Variants in ANKFY1 observed in about 807,000 individuals in gnomAD.
The protein encoded by ANKFY1 is ankyrin repeat and FYVE domain containing 1.
A neutral mutation model predicts 128.3 loss-of-function variants in ANKFY1; 47 were observed. The ratio of observed to expected loss-of-function variants is 0.37; its 90% CI spans 0.29 to 0.47. The LOEUF is 0.47. ANKFY1 is among the 20% of genes least tolerant of loss of function. The pLI is 1.00. For missense variants in ANKFY1, 1,222 were observed against 1,510.6 expected, an observed-to-expected ratio of 0.81 and a Z score of 3.17; for synonymous variants, 553 against 601.6, an observed-to-expected ratio of 0.92 and a Z score of 1.18.
intron 19 of ANKFY1, among the ~76,000 whole-genome samples, chr17:4,175,839 C>T (rs1384692703): frequency 2.0e-5 from 3 of 152,142 alleles, no homozygotes; most frequent in African/African-American, 2.4e-5. Context: ...CAGGGTCAAA[C>T]AGGATGCAGC....
chr17:4,170,005 T>A (rs2059286029), intron 23 of ANKFY1, among the ~76,000 whole-genome samples: 1 of 152,116 alleles, frequency 6.6e-6, no homozygotes, highest in Non-Finnish European at 1.5e-5. Flanking sequence ...GCCGGCCCTG[T>A]GATGGGCACC....
intron 11 of ANKFY1, among the ~76,000 whole-genome samples, chr17:4,185,247 C>A (rs1378784719): frequency 6.6e-6 from 1 of 152,134 alleles, no homozygotes; most frequent in Non-Finnish European, 1.5e-5. Flanking sequence ...GCTCTGTCAC[C>A]CAGGCTGGAG....
At position 4,182,487 on chromosome 17, in the gene ANKFY1, A is replaced by G. The variant is rs2059533597; in HGVS notation, c.1953-138T>C. 3 of 653,686 alleles carry G rather than the reference A, an allele frequency of 4.6e-6. 1 individual carries two copies. Among genetic ancestry groups the G allele is most frequent in the South Asian group, 1.0e-4 (2 of 19,786 alleles). 40.5% of individuals were successfully genotyped at this position (653,686 alleles called of 1,614,324 possible). On this transcript the variant is annotated intron_variant, in intron 14 of 24. Transcript: ENST00000341657. ...ACAATCATTCAATATTTTCTCAGGGAAATTAAATGTGAAAATAGTGTCTGT... is the reference window on the plus strand; with the variant it reads ...ACAATCATTCAATATTTTCTCAGGGGAATTAAATGTGAAAATAGTGTCTGT...
At chr17:4,210,072 G>T in intron 4 of ANKFY1, 125 bp from the exon 5 acceptor site, 1 of 770,124 alleles carries the variant, frequency 1.3e-6, no homozygotes, top group Non-Finnish European at 1.9e-6. Flanking sequence ...ATAAGGTTAA[G>T]CAAAGGGTTA....
intron 3 of ANKFY1, among the ~76,000 whole-genome samples, chr17:4,226,603 C>T (rs1316990314): frequency 2.6e-5 from 4 of 151,538 alleles, no homozygotes; most frequent in Non-Finnish European, 2.9e-5. Flanking sequence ...TATAGCTGGG[C>T]GTGGTGGCGC....
chr17:4,173,365 G>C lies in ANKFY1; in HGVS notation c.3003C>G (p.Ala1001=). 6.2e-7 allele frequency: 1 copy of C among 1,614,160 alleles called. No homozygotes were observed. Among genetic ancestry groups the C allele is most frequent in the Non-Finnish European group, 8.5e-7 (1 of 1,180,002 alleles). ...CCCAACGCGCTCACCTGAGATTAAAGGCTTCGGCGTCCACTGTGCACTCTG... is the reference window on the plus strand; with the variant it reads ...CCCAACGCGCTCACCTGAGATTAAACGCTTCGGCGTCCACTGTGCACTCTG... ...LLTECTVDAE[A]FNLRGQSPLH... Residue 1001 remains alanine, a synonymous_variant, in exon 21 of 25, where the codon GCC becomes GCG. Transcript: ENST00000341657.
chr17:4,183,065 C>T (rs1240490031), intron 14 of ANKFY1, among the ~76,000 whole-genome samples: 1 of 152,174 alleles, frequency 6.6e-6, no homozygotes, highest in Non-Finnish European at 1.5e-5. Context: ...GAGATTGTGC[C>T]ACTGCACTCC....
intron 1 of ANKFY1, among the ~76,000 whole-genome samples, chr17:4,260,869 A>G (rs1199765227): frequency 6.6e-6 from 1 of 152,162 alleles, no homozygotes; most frequent in Non-Finnish European, 1.5e-5. Context: ...ACATTCTCAC[A>G]TGGCCAACCA....
chr17:4,173,780 A>C, intron 20 of ANKFY1, 129 bp downstream of exon 20: 2 of 1,282,038 alleles, frequency 1.6e-6, no homozygotes, highest in Admixed American at 2.3e-5. Flanking sequence ...TACCCAGAGC[A>C]CTTCCTGTCA....
chr17:4,217,150 G>C, intron 3 of ANKFY1, 32 bp from the exon 4 acceptor site: 1 of 1,602,878 alleles, frequency 6.2e-7, no homozygotes, highest in Middle Eastern at 2.2e-4. Context: ...AACTGAAAAA[G>C]CATAGAATGA....
chr17:4,248,504 G>A (rs1967676040), intron 1 of ANKFY1, among the ~76,000 whole-genome samples: 1 of 152,210 alleles, frequency 6.6e-6, no homozygotes, highest in Non-Finnish European at 1.5e-5. Context: ...AGAGAAGTAC[G>A]TGTAAAGTCA....
intron 1 of ANKFY1, among the ~76,000 whole-genome samples, chr17:4,251,923 A>G: frequency 6.6e-6 from 1 of 152,062 alleles, no homozygotes; most frequent in Non-Finnish European, 1.5e-5. Flanking sequence ...AGTCCCAGCT[A>G]CTAGGGAGGA....
intron 7 of ANKFY1, 52 bp from the exon 8 acceptor site, chr17:4,197,629 G>T (rs748265519): frequency 1.3e-6 from 2 of 1,549,250 alleles, no homozygotes; most frequent in South Asian, 2.3e-5. Context: ...ATTCTGGCCA[G>T]TGCTTCTTCA....
rs1250735100 is a variant in ANKFY1, at chr17:4,166,459, TTAAA to T, written c.*1316_*1319del. 6.5e-6 allele frequency: 1 copy of T among 152,678 alleles called. No homozygotes were observed. The highest frequency in any genetic ancestry group is 2.4e-5 in the African/African-American group (1 of 41,458). 9.5% of individuals were successfully genotyped at this position (152,678 alleles called of 1,614,324 possible). ...TTAAAGCCGTGGTAGATGCTTCTCT[TTAAA>T]TGTGCATTTTTTAGAAACTGGCCAA... On this transcript the variant is annotated 3_prime_UTR_variant, in exon 25 of 25. Coordinates refer to ENST00000341657, the MANE Select transcript of ANKFY1 (RefSeq NM_001330063.2).
intron 1 of ANKFY1, among the ~76,000 whole-genome samples, chr17:4,262,251 C>A (rs564504974): frequency 6.6e-6 from 1 of 152,302 alleles, no homozygotes; most frequent in South Asian, 2.1e-4. Context: ...ATCCTCCCAC[C>A]TCCCTAGTAT....
intron 7 of ANKFY1, among the ~76,000 whole-genome samples, chr17:4,200,549 A>G (rs1238940105): frequency 6.6e-6 from 1 of 152,144 alleles, no homozygotes; most frequent in Non-Finnish European, 1.5e-5. Flanking sequence ...ATTTCTTGCA[A>G]ATCACATCCT....
rs1208830755 is a variant in ANKFY1 at position 4,169,376 on chromosome 17, C to T, written c.3287-88G>A. The T allele has an allele frequency of 9.1e-6, 9 of 988,536 alleles. No individual in the cohort carries two copies. The highest frequency in any genetic ancestry group is 1.2e-5 in the Non-Finnish European group (8 of 647,004). The allele number at this position is 988,536 out of a possible 1,614,324, so 61.2% of individuals were successfully genotyped here. On this transcript the variant is annotated intron_variant, in intron 23 of 24. Coordinates refer to ENST00000341657, the MANE Select transcript of ANKFY1 (RefSeq NM_001330063.2). This position sits in a 1 kb window ranked among gnomAD's most constrained non-coding sequence, Gnocchi z 5.0. ...CTTGGAGGCAGCAGGAACACAGACCCGTAAGTGAGGCAGCGCTGCCACATG... is the reference window on the plus strand; with the variant it reads ...CTTGGAGGCAGCAGGAACACAGACCTGTAAGTGAGGCAGCGCTGCCACATG...
At chr17:4,252,568 A>AC (rs571925076) in intron 1 of ANKFY1, among the ~76,000 whole-genome samples, 91 of 152,150 alleles carry the variant, frequency 6.0e-4, no homozygotes, top group African/African-American at 2.1e-3. Context: ...AAACAAACAA[A>AC]AAAAAAATTG....
rs2059453603 is a variant in ANKFY1 at position 4,178,736 on chromosome 17, G to A, written c.2598+121C>T. 1.0e-6 allele frequency: 1 copy of A among 976,896 alleles called. No homozygotes were observed. The highest frequency in any genetic ancestry group is 1.6e-6 in the Non-Finnish European group (1 of 640,758). 60.5% of individuals were successfully genotyped at this position (976,896 alleles called of 1,614,324 possible). A position where few individuals can be genotyped will look rare whatever the true frequency, so the allele number is the denominator to read the frequency against. On this transcript the variant is annotated intron_variant, in intron 18 of 24. Coordinates refer to ENST00000341657, the MANE Select transcript of ANKFY1 (RefSeq NM_001330063.2). This position sits in a 1 kb window ranked among gnomAD's most constrained non-coding sequence, Gnocchi z 4.1. ...TCAACAGCCACATCTTAGGACAGGA[G>A]TACAACTTCAAAACAAAGCTCTTTC... is the stretch of plus-strand genomic sequence containing the variant.
Sources: gnomAD v4.1 joint callset for allele counts (sites outside exome capture counted in the v4.1 genomes callset) on GRCh38, gnomAD v4.1.1 for gene constraint, Gnocchi (gnomAD v3.1) non-coding constraint, MANE v1.5 for transcripts, NCBI Gene and HGNC (gene_info 2026-07-23, HGNC 2026-07-21) for gene names.